Variants in GOLIM4 observed in about 807,000 individuals in gnomAD.
GOLIM4 encodes the protein 130 kDa golgi-localized phosphoprotein.
A neutral mutation model predicts 107.4 loss-of-function variants in GOLIM4; 71 were observed. That is an observed-to-expected ratio of 0.66 (90% CI 0.55 to 0.81). The LOEUF is 0.81. Among genes scored for constraint, GOLIM4 ranks in the 30% least tolerant of loss-of-function variants. The probability of loss-of-function intolerance (pLI) is 0.00; values close to 1 mark genes in which losing one functional copy is unlikely to be tolerated. For missense variants in GOLIM4, 830 were observed against 826.1 expected (o/e 1.00, Z -0.06); for synonymous variants, 327 against 294.8 (o/e 1.11, Z -1.12).
intron 7 of GOLIM4, among the ~76,000 whole-genome samples, chr3:168,039,222 T>C (rs1237470509): frequency 6.6e-6 from 1 of 151,646 alleles, no homozygotes; most frequent in Non-Finnish European, 1.5e-5. Flanking sequence ...AAAAGATATT[T>C]CAATAAATAG....
intron 1 of GOLIM4, among the ~76,000 whole-genome samples, chr3:168,068,123 T>C (rs1720644715): frequency 6.6e-6 from 1 of 152,126 alleles, no homozygotes; most frequent in African/African-American, 2.4e-5. Flanking sequence ...GTATACAATA[T>C]CACTATATAT....
At chr3:168,019,449 A>G (rs1263690491) in intron 14 of GOLIM4, among the ~76,000 whole-genome samples, 1 of 152,228 alleles carries the variant, frequency 6.6e-6, no homozygotes, top group East Asian at 1.9e-4. Flanking sequence ...ATTCCATAGT[A>G]GCATCTGATG....
chr3:168,062,152 T>C (rs987120994), intron 1 of GOLIM4, among the ~76,000 whole-genome samples: 3 of 152,216 alleles, frequency 2.0e-5, no homozygotes, highest in East Asian at 1.9e-4. Flanking sequence ...GTCCAAACTC[T>C]ACACATGCAT....
chr3:168,042,295 A>ATGCCCCAGCAATGCAG (rs991925914), intron 5 of GOLIM4, among the ~76,000 whole-genome samples: 1 of 151,888 alleles, frequency 6.6e-6, no homozygotes, highest in Non-Finnish European at 1.5e-5. Flanking sequence ...GTGCAGTGCA[A>ATGCCCCAGCAATGCAG]TGCCCCAGCA....
At position 168,010,243 on chromosome 3, in the gene GOLIM4, G is replaced by A. The variant is rs750496970; in HGVS notation, c.*26C>T. 1.2e-6 allele frequency: 2 copies of A among 1,601,352 alleles called. No individual in the cohort carries two copies. The highest frequency in any genetic ancestry group is 1.7e-6 in the Non-Finnish European group (2 of 1,173,638). Reference sequence around the variant, plus strand: ...GCAGCTTGAAAAGAATCCGTTGGCTGAGCGTTGTCTAGAAATTGGGTGCCG... The same window carrying A: ...GCAGCTTGAAAAGAATCCGTTGGCTAAGCGTTGTCTAGAAATTGGGTGCCG... On this transcript the variant is annotated 3_prime_UTR_variant, in exon 16 of 16. Coordinates refer to ENST00000470487, the MANE Select transcript of GOLIM4 (RefSeq NM_014498.5).
intron 1 of GOLIM4, among the ~76,000 whole-genome samples, chr3:168,055,432 T>C (rs575581957): frequency 6.6e-6 from 1 of 152,320 alleles, no homozygotes; most frequent in Admixed American, 6.5e-5. Flanking sequence ...CCTAGAGATC[T>C]GTGGAACTTT....
chr3:168,037,125 T>G (rs954700197), intron 7 of GOLIM4, 131 bp from the exon 8 acceptor site: 6 of 536,054 alleles, frequency 1.1e-5, no homozygotes, highest in Non-Finnish European at 1.7e-5. Flanking sequence ...ACAGATTGTT[T>G]CCATGCATTC....
At chr3:168,070,645 A>T (rs1037860717) in intron 1 of GOLIM4, among the ~76,000 whole-genome samples, 2 of 152,194 alleles carry the variant, frequency 1.3e-5, no homozygotes, top group African/African-American at 4.8e-5. Context: ...CAATTAATCA[A>T]TAATTGCCAA....
At chr3:168,053,846 G>C (rs1021342223) in intron 1 of GOLIM4, among the ~76,000 whole-genome samples, 1 of 152,136 alleles carries the variant, frequency 6.6e-6, no homozygotes, top group East Asian at 1.9e-4. Flanking sequence ...TACCTTACAA[G>C]AAGTCTAAGA....
chr3:168,055,677 C>A (rs1339996206), intron 1 of GOLIM4, among the ~76,000 whole-genome samples: 1 of 151,938 alleles, frequency 6.6e-6, no homozygotes, highest in East Asian at 1.9e-4. Context: ...TGGCAGGTAC[C>A]TGTAGTCCCA....
chr3:168,040,612 A>G (rs892532312), intron 7 of GOLIM4, among the ~76,000 whole-genome samples, 174 bp downstream of exon 7: 20 of 152,350 alleles, frequency 1.3e-4, no homozygotes, highest in Middle Eastern at 3.4e-3. Flanking sequence ...AATAATCAAA[A>G]GTTTAATATC....
intron 14 of GOLIM4, among the ~76,000 whole-genome samples, chr3:168,015,695 A>T (rs1281055272): frequency 2.2e-5 from 3 of 136,170 alleles, no homozygotes; most frequent in African/African-American, 1.1e-4. Context: ...AAAGAGAGAT[A>T]TAGATCAATG....
At chr3:168,093,934 T>C (rs552159912) in intron 1 of GOLIM4, among the ~76,000 whole-genome samples, 1 of 152,368 alleles carries the variant, frequency 6.6e-6, no homozygotes, top group South Asian at 2.1e-4. Flanking sequence ...GTTTCATATC[T>C]GCACACACAT....
intron 4 of GOLIM4, 38 bp from the exon 5 acceptor site, chr3:168,043,567 C>G (rs1220395325): frequency 9.7e-6 from 15 of 1,541,296 alleles, no homozygotes; most frequent in Non-Finnish European, 1.3e-5. Flanking sequence ...TATACATTCT[C>G]TGAATTATAT....
intron 1 of GOLIM4, among the ~76,000 whole-genome samples, 168 bp downstream of exon 1, chr3:168,094,931 C>T (rs1299696364): frequency 3.3e-5 from 5 of 152,188 alleles, no homozygotes; most frequent in African/African-American, 9.6e-5. Flanking sequence ...AGAATGTCAT[C>T]TCCCCTGACA....
chr3:168,029,043 C>G (rs1057299923), intron 11 of GOLIM4, among the ~76,000 whole-genome samples, 180 bp downstream of exon 11: 1 of 152,132 alleles, frequency 6.6e-6, no homozygotes, highest in African/African-American at 2.4e-5. Context: ...TTATCTTGAG[C>G]ATTTTTCACT....
At chr3:168,017,756 T>A (rs1717454335) in intron 14 of GOLIM4, among the ~76,000 whole-genome samples, 1 of 152,360 alleles carries the variant, frequency 6.6e-6, no homozygotes, top group East Asian at 1.9e-4. Flanking sequence ...CTGGCTAAGA[T>A]ATCTAGAAAA....
At chr3:168,041,033 T>C (rs1049993179) in intron 6 of GOLIM4, 164 bp from the exon 7 acceptor site, 1 of 533,062 alleles carries the variant, frequency 1.9e-6, no homozygotes, top group Non-Finnish European at 3.3e-6. Context: ...CTACGCTTTA[T>C]GTAGTATTCC....
At chr3:168,084,265 T>G (rs1390467696) in intron 1 of GOLIM4, among the ~76,000 whole-genome samples, 2 of 152,190 alleles carry the variant, frequency 1.3e-5, no homozygotes, top group Non-Finnish European at 2.9e-5. Flanking sequence ...CTCCCAGCCA[T>G]GCTTCCTATA....
Sources: allele counts gnomAD v4.1 joint callset (sites outside exome capture counted in the v4.1 genomes callset), GRCh38; gene constraint gnomAD v4.1.1; transcripts MANE v1.5; gene names NCBI Gene and HGNC (gene_info 2026-07-23, HGNC 2026-07-21).